The following MACROD2 variants were observed in gnomAD, a reference collection of about 807,000 sequenced individuals.
The protein encoded by MACROD2 is ADP-ribose glycohydrolase MACROD2.
A neutral mutation model predicts 70.4 loss-of-function variants in MACROD2; 36 were observed. That is an observed-to-expected ratio of 0.51 (90% CI 0.39 to 0.68). MACROD2 has a LOEUF of 0.68. Among genes scored for constraint, MACROD2 ranks in the 30% least tolerant of loss-of-function variants. MACROD2 has a pLI of 0.00. For missense variants in MACROD2, 496 were observed against 538.4 expected (o/e 0.92, Z 0.78); for synonymous variants, 172 against 178.8 (o/e 0.96, Z 0.30).
At chr20:15,004,623 C>T (rs1389482143) in intron 5 of MACROD2, among the ~76,000 whole-genome samples, 5 of 152,038 alleles carry the variant, frequency 3.3e-5, no homozygotes, top group South Asian at 2.1e-4. Flanking sequence ...ATAACAGCAA[C>T]GGCCACTTTT....
intron 5 of MACROD2, among the ~76,000 whole-genome samples, chr20:14,828,111 C>T (rs1041674818): frequency 1.3e-5 from 2 of 152,012 alleles, no homozygotes; most frequent in African/African-American, 4.8e-5. Flanking sequence ...AGTTGATATT[C>T]TTTCAGAATT....
chr20:14,594,879 G>C (rs533003824), intron 4 of MACROD2, among the ~76,000 whole-genome samples: 1 of 152,130 alleles, frequency 6.6e-6, no homozygotes, highest in South Asian at 2.1e-4. Context: ...ATGAAAGAGC[G>C]AGACTCCATC....
At chr20:14,955,207 C>CGTA (rs2074523247) in intron 5 of MACROD2, among the ~76,000 whole-genome samples, 1 of 120,278 alleles carries the variant, frequency 8.3e-6, no homozygotes, top group African/African-American at 3.2e-5. Context: ...ATATCATTTA[C>CGTA]ATAATATAAT....
chr20:15,262,336 A>G (rs1052985728), intron 6 of MACROD2, among the ~76,000 whole-genome samples: 6 of 151,964 alleles, frequency 3.9e-5, no homozygotes, highest in Admixed American at 3.3e-4. Context: ...CACTTAACAC[A>G]ATGACCTTCA....
chr20:14,466,610 C>T (rs2084453565), intron 3 of MACROD2, among the ~76,000 whole-genome samples: 1 of 152,086 alleles, frequency 6.6e-6, no homozygotes, highest in Non-Finnish European at 1.5e-5. Flanking sequence ...GAGCGGTGCT[C>T]TGATTTTTAG....
chr20:14,167,181 TCTC>T (rs2055280113), intron 3 of MACROD2, among the ~76,000 whole-genome samples: 1 of 152,180 alleles, frequency 6.6e-6, no homozygotes, highest in Non-Finnish European at 1.5e-5. Flanking sequence ...TTTGGACTCT[TCTC>T]AGAATTCCTG....
At chr20:14,082,177 CTTT>C (rs66918191) in intron 2 of MACROD2, among the ~76,000 whole-genome samples, 2 of 93,172 alleles carry the variant, frequency 2.1e-5, no homozygotes, top group African/African-American at 8.9e-5. Flanking sequence ...CTTTTTTTTT[CTTT>C]TTTTTTTTTT....
chr20:14,513,771 GA>G (rs1357448023), intron 4 of MACROD2, among the ~76,000 whole-genome samples: 1 of 151,830 alleles, frequency 6.6e-6, no homozygotes. Context: ...TTTTCATATG[GA>G]TTGATTATAT....
intron 3 of MACROD2, among the ~76,000 whole-genome samples, chr20:14,485,588 C>A (rs2084716366): frequency 6.6e-6 from 1 of 151,098 alleles, no homozygotes; most frequent in Non-Finnish European, 1.5e-5. Flanking sequence ...GTAGTCCCAG[C>A]TACTTGGGAG....
In MACROD2 at chr20:15,454,814, G is replaced by A. The variant is rs1003664943; in HGVS notation, c.571+23379G>A. 8.5e-5 allele frequency among the ~76,000 whole-genome samples: 5 copies of A among 58,606 alleles called. 1 individual carries two copies. The highest frequency in any genetic ancestry group is 1.2e-4 in the African/African-American group (2 of 16,944). The allele number at this position is 58,606 out of a possible 152,430, so 38.4% of individuals were successfully genotyped here. On this transcript the variant is annotated intron_variant, in intron 7 of 17. Coordinates refer to ENST00000684519, the MANE Select transcript of MACROD2 (RefSeq NM_001351661.2). The stretch of plus-strand genomic sequence containing the variant: ...GCAGCAGGATGTCTCTGCGAAAGTG[G>A]GCTTTTAACCATTTCGCATACTTTG...
At chr20:15,871,562 T>G (rs2064583941) in intron 9 of MACROD2, among the ~76,000 whole-genome samples, 1 of 152,136 alleles carries the variant, frequency 6.6e-6, no homozygotes, top group African/African-American at 2.4e-5. Context: ...AATAATCAAG[T>G]ATAACATTGA....
At chr20:15,820,691 C>T (rs1254085836) in intron 8 of MACROD2, among the ~76,000 whole-genome samples, 1 of 152,120 alleles carries the variant, frequency 6.6e-6, no homozygotes, top group Non-Finnish European at 1.5e-5. Context: ...TTTTCTCTGC[C>T]TGAGAATTCT....
At position 14,236,127 on chromosome 20, in the gene MACROD2, A is replaced by G. The variant is rs1264658569; in HGVS notation, c.271+150399A>G. ...ATTATATGTTTTTTTAAATCTCTAAATGGGAAATTCATGTGTATTTTTGAA... is the reference window on the plus strand; with the variant it reads ...ATTATATGTTTTTTTAAATCTCTAAGTGGGAAATTCATGTGTATTTTTGAA... On this transcript the variant is annotated intron_variant, in intron 3 of 17. Coordinates refer to ENST00000684519, the MANE Select transcript of MACROD2 (RefSeq NM_001351661.2). Among the ~76,000 whole-genome samples, 10 of 152,108 alleles carry G rather than the reference A, an allele frequency of 6.6e-5. No individual in the cohort carries two copies. The East Asian group carries it at 1.7e-3, about 26-fold the overall frequency.
Position 14,391,802 on chromosome 20 carries a change from A to G in MACROD2, c.272-101677A>G, listed in dbSNP as rs1323331834. ...ATGGACATAAAGATGGCAACAATAGACACTGAGGCCTACTAGATGGGGGAA... is the reference window on the plus strand; with the variant it reads ...ATGGACATAAAGATGGCAACAATAGGCACTGAGGCCTACTAGATGGGGGAA... On this transcript the variant is annotated intron_variant, in intron 3 of 17. Coordinates refer to ENST00000684519, the MANE Select transcript of MACROD2 (RefSeq NM_001351661.2). 2.8e-5 allele frequency among the ~76,000 whole-genome samples: 4 copies of G among 144,040 alleles called. 1 individual carries two copies. Among genetic ancestry groups the G allele is most frequent in the African/African-American group, 1.0e-4 (4 of 38,282 alleles). The allele number at this position is 144,040 out of a possible 152,430, so 94.5% of individuals were successfully genotyped here. A position where few individuals can be genotyped will look rare whatever the true frequency, so the allele number is the denominator to read the frequency against.
intron 3 of MACROD2, among the ~76,000 whole-genome samples, chr20:14,249,477 C>T (rs371333496): frequency 6.6e-6 from 1 of 151,898 alleles, no homozygotes. Flanking sequence ...AGATAGGCTT[C>T]GTCTTGGTTC....
rs200721141 is a variant in MACROD2, at chr20:14,433,916, ATAGT to A, written c.272-59558_272-59555del. 3.7e-3 allele frequency among the ~76,000 whole-genome samples: 570 copies of A among 152,278 alleles called. 1 individual carries two copies. The highest frequency in any genetic ancestry group is 0.013 in the African/African-American group (525 of 41,568). On this transcript the variant is annotated intron_variant, in intron 3 of 17. Transcript: ENST00000684519. ...TTATCTATGAAAATGACTTGCATAC[ATAGT>A]TAGTGTTGCAATAATATGGCACAAA... is the stretch of plus-strand genomic sequence containing the variant.
intron 5 of MACROD2, among the ~76,000 whole-genome samples, chr20:14,813,491 A>C (rs2072739281): frequency 6.6e-6 from 1 of 152,096 alleles, no homozygotes; most frequent in African/African-American, 2.4e-5. Flanking sequence ...GCTGAGGATA[A>C]TGGCTTCTAG....
intron 8 of MACROD2, among the ~76,000 whole-genome samples, chr20:15,616,150 C>G (rs1371997258): frequency 6.8e-6 from 1 of 146,532 alleles, no homozygotes; most frequent in Non-Finnish European, 1.5e-5. Flanking sequence ...TCACCCGGGC[C>G]TGGAGTGCAG....
intron 3 of MACROD2, among the ~76,000 whole-genome samples, chr20:14,205,023 A>G (rs2081511452): frequency 6.6e-6 from 1 of 152,348 alleles, no homozygotes; most frequent in East Asian, 1.9e-4. Flanking sequence ...GTAACTAGCT[A>G]CATATATATT....
Sources: gnomAD v4.1 joint callset for allele counts (sites outside exome capture counted in the v4.1 genomes callset) on GRCh38, gnomAD v4.1.1 for gene constraint, MANE v1.5 for transcripts, NCBI Gene and HGNC (gene_info 2026-07-23, HGNC 2026-07-21) for gene names.